The following CADM2 variants were observed in gnomAD, a reference collection of about 807,000 sequenced individuals.
CADM2 encodes cell adhesion molecule 2.
In CADM2, 12 loss-of-function variants were observed where a neutral mutation model predicts 49.8. The observed-to-expected ratio is 0.24, with a 90% CI of 0.15 to 0.39. The LOEUF (loss-of-function observed/expected upper bound fraction) is 0.39, where lower values mean the gene tolerates loss of function less well. Ranked by LOEUF, CADM2 falls within the 10% of genes least tolerant of loss-of-function variation. The pLI is 1.00. For synonymous variants in CADM2, 214 were observed against 175.4 expected, an observed-to-expected ratio of 1.22 and a Z score of -1.74; for missense variants, 378 against 492.3, an observed-to-expected ratio of 0.77 and a Z score of 2.20.
At chr3:85,323,344 C>T (rs935753280) in intron 1 of CADM2, among the ~76,000 whole-genome samples, 1 of 152,086 alleles carries the variant, frequency 6.6e-6, no homozygotes, top group East Asian at 1.9e-4. Context: ...TTCTTGAAAC[C>T]CACTGTCTCT....
At chr3:85,223,997 C>T (rs185198494) in intron 1 of CADM2, among the ~76,000 whole-genome samples, 2 of 152,284 alleles carry the variant, frequency 1.3e-5, no homozygotes, top group East Asian at 3.9e-4. Context: ...TTTATCCAGT[C>T]TATCACTGAT....
intron 2 of CADM2, among the ~76,000 whole-genome samples, chr3:85,734,730 TATA>T (rs2068063892): frequency 6.8e-6 from 1 of 147,940 alleles, no homozygotes; most frequent in South Asian, 2.1e-4. Flanking sequence ...TCTTTTTAAA[TATA>T]ATATGTATAC....
intron 1 of CADM2, among the ~76,000 whole-genome samples, chr3:85,162,616 A>C (rs1015906249): frequency 2.0e-5 from 3 of 152,108 alleles, no homozygotes; most frequent in African/African-American, 4.8e-5. Context: ...TTTATACAAA[A>C]AGGCTTGTAC....
chr3:85,387,819 A>G (rs1386808511), intron 1 of CADM2, among the ~76,000 whole-genome samples: 1 of 152,164 alleles, frequency 6.6e-6, no homozygotes, highest in Non-Finnish European at 1.5e-5. Flanking sequence ...ACAGAAATTT[A>G]AAGATGGAAG....
At position 85,769,262 on chromosome 3, in the gene CADM2, T is replaced by C. The variant is rs866283721; in HGVS notation, c.89-32785T>C. 6.9e-5 allele frequency among the ~76,000 whole-genome samples: 3 copies of C among 43,628 alleles called. 1 individual carries two copies. Among genetic ancestry groups the C allele is most frequent in the African/African-American group, 2.8e-4 (3 of 10,668 alleles). The allele number at this position is 43,628 out of a possible 152,430, so 28.6% of individuals were successfully genotyped here. A position where few individuals can be genotyped will look rare whatever the true frequency, so the allele number is the denominator to read the frequency against. On this transcript the variant is annotated intron_variant, in intron 2 of 9. Coordinates refer to ENST00000383699, the MANE Select transcript of CADM2 (RefSeq NM_001167675.2). ...CACATATATACATATATAGTATATA[T>C]ACACATATATACATATATACATATA...
At chr3:85,613,559 G>C (rs1002963080) in intron 1 of CADM2, among the ~76,000 whole-genome samples, 1 of 151,566 alleles carries the variant, frequency 6.6e-6, no homozygotes, top group Admixed American at 6.6e-5. Context: ...AAGTTTTAAT[G>C]ATCACGATAC....
intron 1 of CADM2, among the ~76,000 whole-genome samples, chr3:85,178,265 T>G (rs1372487245): frequency 1.3e-5 from 2 of 151,936 alleles, no homozygotes; most frequent in African/African-American, 4.8e-5. Flanking sequence ...AGAAATATGA[T>G]CTACAGAATA....
At chr3:85,347,963 G>A (rs1303371494) in intron 1 of CADM2, among the ~76,000 whole-genome samples, 3 of 151,810 alleles carry the variant, frequency 2.0e-5, no homozygotes, top group Admixed American at 6.6e-5. Flanking sequence ...GCCCACCACT[G>A]CGCCTGGCTA....
At chr3:85,925,341 A>G (rs1266160722) in intron 6 of CADM2, among the ~76,000 whole-genome samples, 1 of 152,226 alleles carries the variant, frequency 6.6e-6, no homozygotes, top group Non-Finnish European at 1.5e-5. Context: ...TGATTTATAA[A>G]TATTTTTCAA....
chr3:85,642,323 T>C (rs1577000189), intron 1 of CADM2, among the ~76,000 whole-genome samples: 1 of 152,168 alleles, frequency 6.6e-6, no homozygotes, highest in South Asian at 2.1e-4. Context: ...ACTGGTTTAC[T>C]GCAAAAAATA....
chr3:85,746,174 T>C (rs2068613320), intron 2 of CADM2, among the ~76,000 whole-genome samples: 1 of 152,214 alleles, frequency 6.6e-6, no homozygotes, highest in Admixed American at 6.5e-5. Context: ...GAACAATTAT[T>C]TTATGGCAAT....
intron 1 of CADM2, among the ~76,000 whole-genome samples, chr3:85,013,135 T>A (rs559903052): frequency 8.5e-6 from 1 of 117,726 alleles, no homozygotes; most frequent in African/African-American, 3.5e-5. Context: ...TAATTTGCAC[T>A]GGAAATTAAA....
At chr3:85,102,916 G>A (rs1446251648) in intron 1 of CADM2, among the ~76,000 whole-genome samples, 1 of 152,052 alleles carries the variant, frequency 6.6e-6, no homozygotes, top group Non-Finnish European at 1.5e-5. Flanking sequence ...TTGTTCACAG[G>A]CCTTGTGAGT....
chr3:85,616,035 G>A (rs2063792366), intron 1 of CADM2, among the ~76,000 whole-genome samples: 1 of 151,976 alleles, frequency 6.6e-6, no homozygotes, highest in African/African-American at 2.4e-5. Flanking sequence ...TCTAGTAAGA[G>A]CTGATGAGCA....
chr3:85,879,422 T>C (rs1250184855), intron 3 of CADM2, among the ~76,000 whole-genome samples: 4 of 152,084 alleles, frequency 2.6e-5, no homozygotes, highest in African/African-American at 9.7e-5. Context: ...TTTTTATTAT[T>C]TGAGTGTATG....
intron 1 of CADM2, among the ~76,000 whole-genome samples, chr3:85,185,928 G>T (rs935286437): frequency 1.8e-4 from 28 of 152,238 alleles, no homozygotes; most frequent in Non-Finnish European, 4.0e-4. Context: ...AACCGCAAAA[G>T]AAATTCTAGA....
chr3:86,052,793 G>A (rs1737495187), intron 8 of CADM2, among the ~76,000 whole-genome samples: 1 of 151,986 alleles, frequency 6.6e-6, no homozygotes, highest in Admixed American at 6.6e-5. Context: ...TTTTCTGTAT[G>A]CTTAAATAGA....
chr3:85,771,459 A>G (rs1038496948), intron 2 of CADM2, among the ~76,000 whole-genome samples: 5 of 152,120 alleles, frequency 3.3e-5, no homozygotes, highest in African/African-American at 1.2e-4. Context: ...ATAAAGTATC[A>G]TAAGTTATTT....
intron 1 of CADM2, among the ~76,000 whole-genome samples, chr3:85,231,189 A>C (rs1038353919): frequency 2.0e-5 from 3 of 152,100 alleles, no homozygotes; most frequent in Non-Finnish European, 1.5e-5. Context: ...CTATCTACAA[A>C]TAGTCATATT....
Sources: gnomAD v4.1 joint callset for allele counts (sites outside exome capture counted in the v4.1 genomes callset) on GRCh38, gnomAD v4.1.1 for gene constraint, MANE v1.5 for transcripts, NCBI Gene and HGNC (gene_info 2026-07-23, HGNC 2026-07-21) for gene names.